HNMT: variants seen among roughly 807,000 people sequenced by gnomAD.
HNMT encodes the protein histamine N-methyltransferase.
In HNMT, 30 loss-of-function variants were observed where a neutral mutation model predicts 32.1. The ratio of observed to expected loss-of-function variants is 0.93; its 90% CI spans 0.70 to 1.27. The LOEUF is 1.27. Among genes scored for constraint, HNMT ranks in the 50% most tolerant of loss-of-function variants. The pLI is 0.00. For synonymous variants in HNMT, 125 were observed against 119.0 expected (o/e 1.05, Z -0.33); for missense variants, 327 against 346.0 (o/e 0.95, Z 0.43).
chr2:137,977,214 T>C (rs1331424083), intron 2 of HNMT, among the ~76,000 whole-genome samples: 1 of 152,242 alleles, frequency 6.6e-6, no homozygotes, highest in Non-Finnish European at 1.5e-5. Context: ...CCAATTTTGA[T>C]TATTTACAAT....
chr2:138,010,240 T>C (rs141292107), intron 5 of HNMT, among the ~76,000 whole-genome samples: 68 of 152,176 alleles, frequency 4.5e-4, no homozygotes, highest in African/African-American at 1.5e-3. Flanking sequence ...TTAGTAAATA[T>C]GTTTTAATTG....
intron 2 of HNMT, among the ~76,000 whole-genome samples, chr2:137,979,521 G>A (rs528134991): frequency 2.6e-5 from 4 of 151,830 alleles, no homozygotes; most frequent in Non-Finnish European, 4.4e-5. Flanking sequence ...CAAAGTGCTG[G>A]GATTATAGGC....
intron 5 of HNMT, among the ~76,000 whole-genome samples, chr2:138,010,335 T>G (rs1681457064): frequency 6.6e-6 from 1 of 151,954 alleles, no homozygotes; most frequent in Non-Finnish European, 1.5e-5. Flanking sequence ...AGAGAATATA[T>G]TTCAGCTAAA....
At chr2:137,997,768 C>T (rs1049489927) in intron 2 of HNMT, among the ~76,000 whole-genome samples, 2 of 152,166 alleles carry the variant, frequency 1.3e-5, no homozygotes, top group Non-Finnish European at 2.9e-5. Context: ...GTCATGGAAC[C>T]AACCCAAATG....
chr2:137,988,219 T>C (rs1573658631), intron 2 of HNMT, among the ~76,000 whole-genome samples: 1 of 152,176 alleles, frequency 6.6e-6, no homozygotes, highest in East Asian at 1.9e-4. Flanking sequence ...AGCAGGGAAG[T>C]GATAGGTTTG....
At chr2:138,008,229 G>A (rs950080435) in intron 5 of HNMT, among the ~76,000 whole-genome samples, 4 of 152,036 alleles carry the variant, frequency 2.6e-5, no homozygotes, top group Non-Finnish European at 4.4e-5. Context: ...TTATAATTGA[G>A]AACATGCGGT....
At chr2:137,968,906 C>T (rs556232276) in intron 1 of HNMT, among the ~76,000 whole-genome samples, 1 of 152,276 alleles carries the variant, frequency 6.6e-6, no homozygotes, top group South Asian at 2.1e-4. Context: ...CCATCCTTTT[C>T]CCTTCATGGT....
chr2:138,000,384 T>A (rs949283610), intron 2 of HNMT, among the ~76,000 whole-genome samples: 1 of 152,126 alleles, frequency 6.6e-6, no homozygotes, highest in African/African-American at 2.4e-5. Flanking sequence ...GAACAGGTAA[T>A]AGTGTTTATG....
At chr2:137,999,461 T>C (rs2104971973) in intron 2 of HNMT, among the ~76,000 whole-genome samples, 1 of 152,258 alleles carries the variant, frequency 6.6e-6, no homozygotes, top group South Asian at 2.1e-4. Context: ...CTTGGGACTC[T>C]CATATGCACC....
At chr2:137,986,038 G>A (rs987817405) in intron 2 of HNMT, among the ~76,000 whole-genome samples, 15 of 151,956 alleles carry the variant, frequency 9.9e-5, no homozygotes, top group African/African-American at 3.6e-4. Context: ...TGTGGTACTA[G>A]TGTTAGTGGT....
intron 5 of HNMT, among the ~76,000 whole-genome samples, chr2:138,006,941 C>T (rs1026798421): frequency 1.3e-5 from 2 of 151,838 alleles, no homozygotes; most frequent in Non-Finnish European, 2.9e-5. Context: ...TATTTTTAGT[C>T]AAAAATTATT....
chr2:138,012,354 A>G (rs1681531725), intron 5 of HNMT, among the ~76,000 whole-genome samples: 1 of 152,106 alleles, frequency 6.6e-6, no homozygotes, highest in Non-Finnish European at 1.5e-5. Flanking sequence ...TCCCTCAGAT[A>G]AGGTATTCCG....
chr2:137,969,137 G>A (rs1469369162), intron 1 of HNMT, among the ~76,000 whole-genome samples: 1 of 152,092 alleles, frequency 6.6e-6, no homozygotes, highest in African/African-American at 2.4e-5. Flanking sequence ...TTGCCATGAC[G>A]ACGGGCTTTC....
intron 5 of HNMT, among the ~76,000 whole-genome samples, chr2:138,011,320 T>A (rs992615244): frequency 1.3e-5 from 2 of 152,124 alleles, no homozygotes; most frequent in African/African-American, 4.8e-5. Flanking sequence ...ATCCACTGTC[T>A]TTGGAATAAA....
At chr2:138,001,934 G>T (rs1573673189) in intron 3 of HNMT, 130 bp from the exon 4 acceptor site, 1 of 610,408 alleles carries the variant, frequency 1.6e-6, no homozygotes, top group African/African-American at 1.9e-5. Flanking sequence ...TGGTCTCCCA[G>T]ACATAAGAAA....
chr2:137,980,936 T>C (rs992500064), intron 2 of HNMT, among the ~76,000 whole-genome samples: 4 of 152,126 alleles, frequency 2.6e-5, no homozygotes, highest in Non-Finnish European at 5.9e-5. Flanking sequence ...ACAATCAGAT[T>C]GTTCTTTCTC....
At chr2:137,984,744 G>A (rs1052851393) in intron 2 of HNMT, among the ~76,000 whole-genome samples, 1 of 151,980 alleles carries the variant, frequency 6.6e-6, no homozygotes. Flanking sequence ...AAGATTGTTG[G>A]TAAGTTTGAC....
At chr2:138,003,944 T>G (rs1280568646) in intron 4 of HNMT, among the ~76,000 whole-genome samples, 1 of 152,104 alleles carries the variant, frequency 6.6e-6, no homozygotes, top group Non-Finnish European at 1.5e-5. Flanking sequence ...TGTTCCTTCT[T>G]TCTTATAACA....
intron 2 of HNMT, among the ~76,000 whole-genome samples, chr2:137,980,935 T>C (rs1319553924): frequency 6.6e-6 from 1 of 152,118 alleles, no homozygotes; most frequent in East Asian, 1.9e-4. Flanking sequence ...CACAATCAGA[T>C]TGTTCTTTCT....
Sources: allele counts gnomAD v4.1 joint callset (sites outside exome capture counted in the v4.1 genomes callset), GRCh38; gene constraint gnomAD v4.1.1; transcripts MANE v1.5; gene names NCBI Gene and HGNC (gene_info 2026-07-23, HGNC 2026-07-21).